DGKI: variants seen among roughly 807,000 people sequenced by gnomAD.
The protein encoded by DGKI is DAG kinase iota.
A neutral mutation model predicts 147.5 loss-of-function variants in DGKI; 55 were observed. The ratio of observed to expected loss-of-function variants is 0.37; its 90% CI spans 0.30 to 0.47. DGKI has a LOEUF of 0.47. DGKI is among the 20% of genes least tolerant of loss of function. The pLI is 1.00. For missense variants in DGKI, 1,007 were observed against 1,323.8 expected (o/e 0.76, Z 3.71); for synonymous variants, 469 against 477.1 (o/e 0.98, Z 0.22).
chr7:137,814,986 A>C (rs2117013267), intron 1 of DGKI, among the ~76,000 whole-genome samples: 1 of 152,296 alleles, frequency 6.6e-6, no homozygotes, highest in East Asian at 1.9e-4. Context: ...TCCTTGGCTA[A>C]CTTGAATCCT....
At position 137,390,991 on chromosome 7, in the gene DGKI, G is replaced by C. The variant is rs1319270345; in HGVS notation, c.*229C>G. 7.5e-6 allele frequency: 4 copies of C among 532,360 alleles called. No homozygotes were observed. The South Asian group carries it at 8.6e-5, about 11-fold the overall frequency. The allele number at this position is 532,360 out of a possible 1,614,324, so 33.0% of individuals were successfully genotyped here. A position where few individuals can be genotyped will look rare whatever the true frequency, so the allele number is the denominator to read the frequency against. The stretch of plus-strand genomic sequence containing the variant: ...ATAAGGATCAAATTTTGTGGAACTC[G>C]TACTGTATTCCACAAATCTCCAGGT... On this transcript the variant is annotated 3_prime_UTR_variant, in exon 33 of 33. Transcript: ENST00000614521.
intron 30 of DGKI, among the ~76,000 whole-genome samples, chr7:137,405,993 T>G (rs1811932362): frequency 1.3e-5 from 2 of 150,810 alleles, no homozygotes; most frequent in African/African-American, 2.4e-5. Context: ...AAAAGATGGG[T>G]GGGGGGGTGT....
intron 28 of DGKI, among the ~76,000 whole-genome samples, chr7:137,430,648 G>A (rs900288788): frequency 6.6e-6 from 1 of 152,034 alleles, no homozygotes; most frequent in Non-Finnish European, 1.5e-5. Context: ...GTCCCTGATT[G>A]CTAAAGAAAT....
rs1490384857 is a variant in DGKI at position 137,638,503 on chromosome 7, T to C, written c.804+6969A>G. Among the ~76,000 whole-genome samples, 90 of 116,694 alleles carry C rather than the reference T, an allele frequency of 7.7e-4. 1 individual carries two copies. Among genetic ancestry groups the C allele is most frequent in the African/African-American group, 2.2e-3 (59 of 26,920 alleles). 76.6% of individuals were successfully genotyped at this position (116,694 alleles called of 152,430 possible). ...GTATATATATACACACATATATATG[T>C]ATATATATGTGTGTATATATATACA... On this transcript the variant is annotated intron_variant, in intron 6 of 32. Transcript: ENST00000614521.
At chr7:137,433,872 CTT>C (rs2128912593) in intron 28 of DGKI, among the ~76,000 whole-genome samples, 1 of 152,182 alleles carries the variant, frequency 6.6e-6, no homozygotes, top group African/African-American at 2.4e-5. Flanking sequence ...AATGCCAGAA[CTT>C]TGGGAGGCTG....
intron 21 of DGKI, among the ~76,000 whole-genome samples, chr7:137,502,323 C>T (rs56757293): frequency 0.021 from 3,226 of 152,134 alleles, 128 homozygotes; most frequent in African/African-American, 0.073. Flanking sequence ...CCATTGCCTG[C>T]GATCTGGGAG....
chr7:137,810,043 G>A (rs772171876), intron 1 of DGKI, among the ~76,000 whole-genome samples: 6 of 152,208 alleles, frequency 3.9e-5, no homozygotes, highest in Non-Finnish European at 7.3e-5. Context: ...ATATATTTCT[G>A]TTTGCTGAGT....
At chr7:137,418,465 A>C (rs567057607) in intron 28 of DGKI, among the ~76,000 whole-genome samples, 1 of 152,332 alleles carries the variant, frequency 6.6e-6, no homozygotes, top group South Asian at 2.1e-4. Context: ...GGTTGTAATT[A>C]TTGCTGTACA....
At chr7:137,608,846 G>T in intron 10 of DGKI, 120 bp downstream of exon 10, 1 of 760,952 alleles carries the variant, frequency 1.3e-6, no homozygotes, top group Non-Finnish European at 2.2e-6. Flanking sequence ...CCTTGTTCCT[G>T]AGAAACCGGT....
intron 2 of DGKI, among the ~76,000 whole-genome samples, chr7:137,682,467 A>G (rs73152510): frequency 6.4e-4 from 98 of 152,312 alleles, no homozygotes; most frequent in Non-Finnish European, 1.3e-3. Context: ...GTTTAAACAT[A>G]AAAATGCATA....
At chr7:137,691,858 T>C (rs571183445) in intron 1 of DGKI, among the ~76,000 whole-genome samples, 2 of 139,364 alleles carry the variant, frequency 1.4e-5, no homozygotes, top group South Asian at 2.5e-4. Flanking sequence ...GTCCCAGATA[T>C]AGGGGGTAGG....
intron 30 of DGKI, among the ~76,000 whole-genome samples, chr7:137,406,082 G>A (rs145658106): frequency 3.4e-4 from 51 of 152,188 alleles, no homozygotes; most frequent in African/African-American, 1.2e-3. Context: ...GAGGGTAGGT[G>A]GGCACCAAAT....
chr7:137,652,322 A>G (rs907022580), intron 5 of DGKI, among the ~76,000 whole-genome samples: 1 of 152,228 alleles, frequency 6.6e-6, no homozygotes, highest in Non-Finnish European at 1.5e-5. Flanking sequence ...ATCTTGTATT[A>G]GAAAAATTGC....
At chr7:137,588,557 A>G (rs1819492061) in intron 12 of DGKI, among the ~76,000 whole-genome samples, 1 of 150,026 alleles carries the variant, frequency 6.7e-6, no homozygotes, top group Non-Finnish European at 1.5e-5. Flanking sequence ...GCTCACTGCA[A>G]GCTCCACCTC....
intron 19 of DGKI, among the ~76,000 whole-genome samples, chr7:137,554,013 C>T (rs1818137235): frequency 6.6e-6 from 1 of 152,090 alleles, no homozygotes. Context: ...TAGTCTAGAC[C>T]ACTTTTAAGC....
chr7:137,423,233 T>C (rs1243418133), intron 28 of DGKI, among the ~76,000 whole-genome samples: 2 of 152,190 alleles, frequency 1.3e-5, no homozygotes, highest in Admixed American at 6.5e-5. Flanking sequence ...AAAAGAAAAG[T>C]GCTGCTGGCC....
intron 7 of DGKI, among the ~76,000 whole-genome samples, chr7:137,621,683 C>G (rs925257668): frequency 1.3e-5 from 2 of 152,252 alleles, no homozygotes. Context: ...GACCAAAGCT[C>G]TACCACAATG....
At chr7:137,681,447 C>T (rs1468634019) in intron 2 of DGKI, among the ~76,000 whole-genome samples, 1 of 152,216 alleles carries the variant, frequency 6.6e-6, no homozygotes, top group Admixed American at 6.5e-5. Context: ...ATCCTGAAGA[C>T]ATCAATCCAC....
intron 1 of DGKI, among the ~76,000 whole-genome samples, chr7:137,699,503 T>C (rs768909378): frequency 4.6e-5 from 7 of 152,208 alleles, no homozygotes; most frequent in East Asian, 1.9e-4. Flanking sequence ...CTAATGAATA[T>C]GGAAATTGGA....
Sources: allele counts gnomAD v4.1 joint callset (sites outside exome capture counted in the v4.1 genomes callset), GRCh38; gene constraint gnomAD v4.1.1; transcripts MANE v1.5; gene names NCBI Gene and HGNC (gene_info 2026-07-23, HGNC 2026-07-21).